SORCS3: variants seen among roughly 807,000 people sequenced by gnomAD.
SORCS3 encodes sortilin related VPS10 domain containing receptor 3.
A neutral mutation model predicts 146.3 loss-of-function variants in SORCS3; 57 were observed. The observed-to-expected ratio is 0.39, with a 90% CI of 0.31 to 0.49. The LOEUF (loss-of-function observed/expected upper bound fraction) is 0.49, where lower values mean the gene tolerates loss of function less well. Among genes scored for constraint, SORCS3 ranks in the 20% least tolerant of loss-of-function variants. SORCS3 has a pLI of 0.92. For synonymous variants in SORCS3, 653 were observed against 618.5 expected (o/e 1.06, Z -0.83); for missense variants, 1,341 against 1,575.5 (o/e 0.85, Z 2.52).
chr10:105,248,184 TG>T (rs1490085478), intron 22 of SORCS3, among the ~76,000 whole-genome samples: 5 of 152,190 alleles, frequency 3.3e-5, no homozygotes, highest in Non-Finnish European at 5.9e-5. Context: ...GAATAAAACA[TG>T]GTCAATTGAA....
rs949418270 is a variant in SORCS3, at chr10:105,253,241, G to A, written c.3237+335G>A. On this transcript the variant is annotated intron_variant, in intron 23 of 26. Coordinates refer to ENST00000369701, the MANE Select transcript of SORCS3 (RefSeq NM_014978.3). ...GAGAGACAGACAGAGAGAGAAAGAA[G>A]GGGGGAATTTGAATTTCCTTGTTTA... Among the ~76,000 whole-genome samples the A allele has an allele frequency of 2.6e-5, 4 of 152,084 alleles. No individual in the cohort carries two copies. In the East Asian group the frequency reaches 7.7e-4, roughly 29 times the overall value.
At chr10:104,894,478 A>C (rs895715511) in intron 2 of SORCS3, among the ~76,000 whole-genome samples, 7 of 152,220 alleles carry the variant, frequency 4.6e-5, no homozygotes, top group African/African-American at 1.7e-4. Context: ...GTGCTTTAGC[A>C]AGGCAAATTT....
intron 1 of SORCS3, among the ~76,000 whole-genome samples, chr10:104,695,260 G>A (rs1019539211): frequency 6.6e-6 from 1 of 152,038 alleles, no homozygotes. Flanking sequence ...AGGAATTAAT[G>A]GGGAGAAGAA....
chr10:104,726,596 C>T (rs1036343149), intron 1 of SORCS3, among the ~76,000 whole-genome samples: 8 of 151,842 alleles, frequency 5.3e-5, no homozygotes, highest in South Asian at 2.1e-4. Context: ...GGGGGCTCTC[C>T]GTTGGACACC....
chr10:105,155,184 CATGGTA>C (rs536325695), intron 9 of SORCS3, among the ~76,000 whole-genome samples: 153 of 152,278 alleles, frequency 1.0e-3, no homozygotes, highest in South Asian at 4.6e-3. Flanking sequence ...AGTCGGAAAA[CATGGTA>C]ATGGTAATGG....
intron 7 of SORCS3, among the ~76,000 whole-genome samples, chr10:105,119,972 C>G (rs2055920176): frequency 6.6e-6 from 1 of 152,102 alleles, no homozygotes; most frequent in Non-Finnish European, 1.5e-5. Context: ...AATGTGAGGA[C>G]ATGAGATTTG....
chr10:105,102,509 CA>C (rs551552327), intron 6 of SORCS3, among the ~76,000 whole-genome samples: 48 of 152,198 alleles, frequency 3.2e-4, no homozygotes, highest in Non-Finnish European at 5.6e-4. Context: ...AAGGGAGCAA[CA>C]GACACCAGGG....
chr10:104,771,240 A>G (rs1402337614), intron 1 of SORCS3, among the ~76,000 whole-genome samples: 2 of 152,226 alleles, frequency 1.3e-5, no homozygotes, highest in Admixed American at 1.3e-4. Context: ...GCACTATTCC[A>G]GGGGATTCTG....
chr10:105,056,069 A>C (rs1381151317), intron 5 of SORCS3, among the ~76,000 whole-genome samples: 1 of 152,180 alleles, frequency 6.6e-6, no homozygotes, highest in Non-Finnish European at 1.5e-5. Context: ...TTCCCAGAAA[A>C]GGGTTCCTGG....
intron 3 of SORCS3, among the ~76,000 whole-genome samples, chr10:104,940,729 A>T (rs975945903): frequency 6.6e-6 from 1 of 152,140 alleles, no homozygotes. Flanking sequence ...TTTTCAATGA[A>T]ATAAAAGAGG....
intron 11 of SORCS3, among the ~76,000 whole-genome samples, chr10:105,161,865 G>A (rs1023948455): frequency 6.6e-6 from 1 of 152,120 alleles, no homozygotes; most frequent in Non-Finnish European, 1.5e-5. Flanking sequence ...ACTCTGTTCT[G>A]TAGCCCTTCA....
At chr10:104,798,441 C>T (rs2017583885) in intron 1 of SORCS3, among the ~76,000 whole-genome samples, 1 of 152,120 alleles carries the variant, frequency 6.6e-6, no homozygotes, top group African/African-American at 2.4e-5. Flanking sequence ...GCATAACAAT[C>T]ACAGAGAAGC....
intron 1 of SORCS3, among the ~76,000 whole-genome samples, chr10:104,688,748 T>G (rs916199098): frequency 6.6e-6 from 1 of 152,340 alleles, no homozygotes; most frequent in Middle Eastern, 3.4e-3. Flanking sequence ...TGGGTGGGAT[T>G]CTGACGCATC....
intron 25 of SORCS3, among the ~76,000 whole-genome samples, chr10:105,258,017 T>C (rs1460599261): frequency 1.3e-5 from 2 of 152,190 alleles, no homozygotes; most frequent in African/African-American, 4.8e-5. Context: ...CTTTTAGGTT[T>C]TGGTAGAGAT....
intron 4 of SORCS3, among the ~76,000 whole-genome samples, chr10:104,988,793 A>G (rs1038475646): frequency 2.0e-5 from 3 of 152,198 alleles, no homozygotes; most frequent in Non-Finnish European, 4.4e-5. Flanking sequence ...AGAGAAGACA[A>G]TTTGTCAAGA....
intron 2 of SORCS3, among the ~76,000 whole-genome samples, chr10:104,879,917 G>A (rs566843787): frequency 7.9e-4 from 120 of 152,298 alleles, no homozygotes; most frequent in Middle Eastern, 6.8e-3. Flanking sequence ...ATGAAATCCG[G>A]TGAATTTAAT....
intron 7 of SORCS3, among the ~76,000 whole-genome samples, chr10:105,107,291 G>A (rs558014135): frequency 6.6e-6 from 1 of 151,476 alleles, no homozygotes; most frequent in South Asian, 2.1e-4. Context: ...CCCATTTAAG[G>A]CCTTTATCTC....
intron 19 of SORCS3, among the ~76,000 whole-genome samples, chr10:105,221,759 T>A (rs1209965809): frequency 6.6e-6 from 1 of 152,328 alleles, no homozygotes; most frequent in South Asian, 2.1e-4. Flanking sequence ...GCTACAGTTG[T>A]GGCTTAAGAA....
At chr10:104,698,398 A>G (rs909959675) in intron 1 of SORCS3, among the ~76,000 whole-genome samples, 2 of 152,200 alleles carry the variant, frequency 1.3e-5, no homozygotes, top group East Asian at 1.9e-4. Flanking sequence ...ACACTTACAT[A>G]TAGCACACTG....
Sources: gnomAD v4.1 joint callset for allele counts (sites outside exome capture counted in the v4.1 genomes callset) on GRCh38, gnomAD v4.1.1 for gene constraint, MANE v1.5 for transcripts, NCBI Gene and HGNC (gene_info 2026-07-23, HGNC 2026-07-21) for gene names.